Variants in PHTF1 observed in about 807,000 individuals in gnomAD.
PHTF1 encodes the protein putative homeodomain transcription factor 1.
A neutral mutation model predicts 102.4 loss-of-function variants in PHTF1; 88 were observed. The observed-to-expected ratio is 0.86, with a 90% CI of 0.72 to 1.03. The LOEUF (loss-of-function observed/expected upper bound fraction) is 1.03, where lower values mean the gene tolerates loss of function less well. Ranked by LOEUF, PHTF1 falls within the 50% of genes least tolerant of loss-of-function variation. The pLI, the probability that PHTF1 is intolerant of heterozygous loss-of-function variation, is 0.00. For synonymous variants in PHTF1, 289 were observed against 305.2 expected, an observed-to-expected ratio of 0.95 and a Z score of 0.55; for missense variants, 814 against 909.5, an observed-to-expected ratio of 0.89 and a Z score of 1.35.
chr1:113,710,811 T>TATATATA (rs1553224753), intron 10 of PHTF1, among the ~76,000 whole-genome samples: 37 of 83,124 alleles, frequency 4.5e-4, no homozygotes, highest in African/African-American at 1.4e-3. Context: ...TATATATATA[T>TATATATA]TTTTTTTTTT....
intron 7 of PHTF1, among the ~76,000 whole-genome samples, chr1:113,719,886 G>A (rs1652639460): frequency 1.3e-5 from 2 of 152,202 alleles, no homozygotes; most frequent in South Asian, 4.1e-4. Context: ...AGTTCCACAA[G>A]GCTGGGGAGG....
intron 15 of PHTF1, among the ~76,000 whole-genome samples, chr1:113,701,204 AT>A (rs1267931370): frequency 6.6e-6 from 1 of 152,206 alleles, no homozygotes; most frequent in Non-Finnish European, 1.5e-5. Flanking sequence ...AATAAGACAA[AT>A]GCATTTGCAG....
chr1:113,722,174 G>A (rs951354633), intron 7 of PHTF1, among the ~76,000 whole-genome samples: 7 of 151,886 alleles, frequency 4.6e-5, no homozygotes, highest in Admixed American at 2.0e-4. Context: ...GAACGCAGCC[G>A]GGCGCAGTGG....
At chr1:113,728,528 A>C (rs962544353) in intron 5 of PHTF1, among the ~76,000 whole-genome samples, 2 of 152,210 alleles carry the variant, frequency 1.3e-5, no homozygotes, top group Non-Finnish European at 2.9e-5. Context: ...AACCACTATG[A>C]AGAACAGCTT....
In PHTF1 at chr1:113,759,196, A is replaced by G; in HGVS notation, c.-204T>C. The G allele has an allele frequency of 3.2e-6, 2 of 617,194 alleles. No individual in the cohort carries two copies. The highest frequency in any genetic ancestry group is 4.1e-6 in the Non-Finnish European group (2 of 492,738). 38.2% of individuals were successfully genotyped at this position (617,194 alleles called of 1,614,324 possible). ...ACCGCGGAGGCCGCCCCAGCTTCGGAGGCAGCCGGCCGCCCAGCGCCCTGA... is the reference window on the plus strand; with the variant it reads ...ACCGCGGAGGCCGCCCCAGCTTCGGGGGCAGCCGGCCGCCCAGCGCCCTGA... On this transcript the variant is annotated 5_prime_UTR_variant, in exon 1 of 19. Coordinates refer to ENST00000369604, the MANE Select transcript of PHTF1 (RefSeq NM_001323043.2).
At chr1:113,746,680 T>A (rs1314876966) in intron 3 of PHTF1, among the ~76,000 whole-genome samples, 2 of 152,210 alleles carry the variant, frequency 1.3e-5, no homozygotes, top group African/African-American at 4.8e-5. Context: ...CACATACCTC[T>A]AAATCTACCT....
Position 113,699,767 on chromosome 1 carries a change from TG to T in PHTF1, c.2078del (p.Pro693GlnfsTer9). The T allele has an allele frequency of 7.0e-7, 1 of 1,433,202 alleles. No homozygotes were observed. Among genetic ancestry groups the T allele is most frequent in the Middle Eastern group, 1.9e-4 (1 of 5,152 alleles). The allele number at this position is 1,433,202 out of a possible 1,614,324, so 88.8% of individuals were successfully genotyped here. On this transcript the variant is annotated frameshift_variant, in exon 17 of 19. Transcript: ENST00000369604. LOFTEE classifies it high-confidence loss of function. Reference protein sequence around the residue: ...INLYLKMEKKPNKKEQLTLVN... With the variant: ...INLYLKMEKKXNKKEQLTLVN... Reference sequence around the variant, plus strand: ...CTAGAGTAAGCTGTTCTTTCTTATTTGGCTTTTTTTCCATCTTAAGATATAA... The same window carrying T: ...CTAGAGTAAGCTGTTCTTTCTTATTTGCTTTTTTTCCATCTTAAGATATAA...
intron 7 of PHTF1, among the ~76,000 whole-genome samples, chr1:113,719,384 CT>C (rs1652565274): frequency 6.6e-6 from 1 of 152,194 alleles, no homozygotes; most frequent in African/African-American, 2.4e-5. Flanking sequence ...AACTGATTGC[CT>C]TTAACCACAC....
intron 3 of PHTF1, among the ~76,000 whole-genome samples, chr1:113,744,090 T>C (rs755933410): frequency 6.6e-6 from 1 of 152,254 alleles, no homozygotes; most frequent in Non-Finnish European, 1.5e-5. Context: ...CCACAACCTC[T>C]ACCTCAGCAG....
rs1225501279 is a variant in PHTF1 at position 113,726,418 on chromosome 1, CT to C, written c.487del (p.Arg163GlufsTer7). The C allele has an allele frequency of 6.2e-7, 1 of 1,600,918 alleles. No homozygotes were observed. Among genetic ancestry groups the C allele is most frequent in the Admixed American group, 1.7e-5 (1 of 58,402 alleles). On this transcript the variant is annotated frameshift_variant and splice_region_variant, in exon 6 of 19. Transcript: ENST00000369604. LOFTEE classifies it high-confidence loss of function. Reference protein sequence around the residue: ...PSGNNGNRRRRKLRKTVNGDG... With the variant: ...PSGNNGNRRRXKLRKTVNGDG... ...ACTACAGTGTAATTTCTCATCTTAC[CT>C]TCTTCTTCGATTTCCATTGTTTCCT...
intron 3 of PHTF1, among the ~76,000 whole-genome samples, chr1:113,743,243 T>C (rs1053914611): frequency 6.7e-6 from 1 of 149,876 alleles, no homozygotes; most frequent in Non-Finnish European, 1.5e-5. Flanking sequence ...CTTCATAAGC[T>C]TTTTTTTTTC....
Position 113,753,667 on chromosome 1 carries a change from A to ATC in PHTF1, c.102+4030_102+4031dup, listed in dbSNP as rs140241078. On this transcript the variant is annotated intron_variant, in intron 3 of 18. Transcript: ENST00000369604. The stretch of plus-strand genomic sequence containing the variant: ...AGTCTTGAACTCCTGAGCTCATGCA[A>ATC]TCTGCCTGCCTCGGCCTCCCTGCTA... 2.9e-3 allele frequency among the ~76,000 whole-genome samples: 433 copies of ATC among 151,494 alleles called. 2 individuals are homozygous for ATC. Among genetic ancestry groups the ATC allele is most frequent in the African/African-American group, 9.9e-3 (409 of 41,284 alleles).
At chr1:113,708,409 T>C (rs1423595827) in intron 11 of PHTF1, among the ~76,000 whole-genome samples, 1 of 152,148 alleles carries the variant, frequency 6.6e-6, no homozygotes, top group Admixed American at 6.5e-5. Context: ...GTGGATCACT[T>C]GAGGTCAGGA....
intron 17 of PHTF1, 112 bp downstream of exon 17, chr1:113,699,592 A>C: frequency 7.3e-6 from 5 of 686,214 alleles, no homozygotes; most frequent in South Asian, 4.8e-5. Context: ...GGAAGAGTCC[A>C]CTTCCAGGAC....
chr1:113,755,894 AC>A (rs1263903386), intron 3 of PHTF1, among the ~76,000 whole-genome samples: 1 of 122,314 alleles, frequency 8.2e-6, no homozygotes, highest in Non-Finnish European at 1.8e-5. Flanking sequence ...CCCCGTCTCT[AC>A]TAAAAAAAAA....
intron 3 of PHTF1, among the ~76,000 whole-genome samples, chr1:113,742,896 C>T (rs1656635926): frequency 6.6e-6 from 1 of 152,190 alleles, no homozygotes. Flanking sequence ...TGCAATGGCA[C>T]GATCACAGCT....
At chr1:113,739,138 C>G (rs1313133062) in intron 3 of PHTF1, among the ~76,000 whole-genome samples, 1 of 152,280 alleles carries the variant, frequency 6.6e-6, no homozygotes, top group East Asian at 1.9e-4. Context: ...TAGGTGTTAG[C>G]CTCTGCGCCC....
At chr1:113,698,614 T>TACACAC (rs1487912339) in intron 17 of PHTF1, among the ~76,000 whole-genome samples, 14 of 86,292 alleles carry the variant, frequency 1.6e-4, no homozygotes, top group African/African-American at 5.1e-4. Flanking sequence ...GTTTTATATA[T>TACACAC]ATATATACAC....
chr1:113,720,831 C>T (rs1652813300), intron 7 of PHTF1, among the ~76,000 whole-genome samples: 1 of 152,238 alleles, frequency 6.6e-6, no homozygotes, highest in African/African-American at 2.4e-5. Context: ...AGTGCCCTGC[C>T]CCGGCAGCAA....
Sources: allele counts gnomAD v4.1 joint callset (sites outside exome capture counted in the v4.1 genomes callset), GRCh38; gene constraint gnomAD v4.1.1; transcripts MANE v1.5; gene names NCBI Gene and HGNC (gene_info 2026-07-23, HGNC 2026-07-21).